The following FSTL4 variants were observed in gnomAD, a reference collection of about 807,000 sequenced individuals.
The protein encoded by FSTL4 is follistatin-related protein 4.
FSTL4 carries 28 observed loss-of-function variants against 78.2 expected under a neutral mutation model. The ratio of observed to expected loss-of-function variants is 0.36; its 90% CI spans 0.27 to 0.49. The LOEUF is 0.49. Ranked by LOEUF, FSTL4 falls within the 20% of genes least tolerant of loss-of-function variation. FSTL4 has a pLI of 0.98. For missense variants in FSTL4, 922 were observed against 1,084.9 expected, an observed-to-expected ratio of 0.85 and a Z score of 2.11; for synonymous variants, 422 against 440.5, an observed-to-expected ratio of 0.96 and a Z score of 0.53.
Position 133,552,307 on chromosome 5 carries a change from C to A in FSTL4, c.160+14879G>T, listed in dbSNP as rs559640498. ...GGGTCTTCTGGAATTTCTACTTGGTCATATTTATTCTACAGAACTGTATCT... is the reference window on the plus strand; with the variant it reads ...GGGTCTTCTGGAATTTCTACTTGGTAATATTTATTCTACAGAACTGTATCT... On this transcript the variant is annotated intron_variant, in intron 3 of 15. Coordinates refer to ENST00000265342, the MANE Select transcript of FSTL4 (RefSeq NM_015082.2). 7.9e-5 allele frequency among the ~76,000 whole-genome samples: 12 copies of A among 152,314 alleles called. No individual in the cohort carries two copies. In the East Asian group the frequency reaches 2.3e-3, roughly 29 times the overall value.
chr5:133,351,604 T>C (rs1754825712), intron 4 of FSTL4, among the ~76,000 whole-genome samples: 1 of 152,130 alleles, frequency 6.6e-6, no homozygotes. Flanking sequence ...CTAATCTATA[T>C]TTTTAATTTT....
chr5:133,803,543 C>T, the FSTL4 span, among the ~76,000 whole-genome samples: 13 of 152,182 alleles, frequency 8.5e-5, no homozygotes, highest in Non-Finnish European at 1.5e-4. Flanking sequence ...AGTCCCAGAC[C>T]GTCTCTCCTC....
intron 11 of FSTL4, among the ~76,000 whole-genome samples, chr5:133,221,902 T>TG: frequency 1.0e-5 from 1 of 99,698 alleles, no homozygotes; most frequent in South Asian, 2.9e-4. Context: ...TTTTTTTTTT[T>TG]TTTTTTTTTT....
At chr5:133,755,187 C>T in the FSTL4 span, among the ~76,000 whole-genome samples, 1 of 152,170 alleles carries the variant, frequency 6.6e-6, no homozygotes, top group Non-Finnish European at 1.5e-5. Context: ...TCTAAGTTTC[C>T]ATGACCCCTT....
At chr5:133,497,365 G>C (rs1758387568) in intron 3 of FSTL4, among the ~76,000 whole-genome samples, 1 of 152,214 alleles carries the variant, frequency 6.6e-6, no homozygotes, top group South Asian at 2.1e-4. Flanking sequence ...TCTCATAGAG[G>C]GGTTGGGGAA....
intron 3 of FSTL4, among the ~76,000 whole-genome samples, chr5:133,497,546 C>A (rs1758393469): frequency 6.6e-6 from 1 of 152,164 alleles, no homozygotes; most frequent in Non-Finnish European, 1.5e-5. Flanking sequence ...CTTATCCTCA[C>A]TCATCAGGCC....
the FSTL4 span, among the ~76,000 whole-genome samples, chr5:133,773,868 T>A: frequency 2.6e-5 from 4 of 152,190 alleles, no homozygotes; most frequent in Non-Finnish European, 5.9e-5. Flanking sequence ...CTCACCCATT[T>A]GTAGAGAGCA....
At chr5:133,785,977 T>C in the FSTL4 span, among the ~76,000 whole-genome samples, 3 of 152,176 alleles carry the variant, frequency 2.0e-5, no homozygotes, top group Non-Finnish European at 4.4e-5. Flanking sequence ...TGGGGGATTT[T>C]TGAGGACCCT....
At chr5:133,656,386 C>A in the FSTL4 span, among the ~76,000 whole-genome samples, 40 of 152,098 alleles carry the variant, frequency 2.6e-4, no homozygotes, top group Non-Finnish European at 4.7e-4. Flanking sequence ...CTGTCAAGGG[C>A]AGTAATTTTC....
intron 3 of FSTL4, among the ~76,000 whole-genome samples, chr5:133,448,563 G>A (rs186959769): frequency 3.3e-5 from 5 of 152,298 alleles, no homozygotes; most frequent in Non-Finnish European, 2.9e-5. Flanking sequence ...CAAAGTGAAC[G>A]GCAGCAGTGG....
At chr5:133,554,720 G>GCATT (rs1309597050) in intron 3 of FSTL4, among the ~76,000 whole-genome samples, 9 of 152,182 alleles carry the variant, frequency 5.9e-5, no homozygotes, top group South Asian at 2.1e-4. Flanking sequence ...AGTTTAAATA[G>GCATT]CATTCATTCA....
intron 3 of FSTL4, among the ~76,000 whole-genome samples, chr5:133,457,443 C>A (rs575455724): frequency 6.6e-6 from 1 of 152,210 alleles, no homozygotes. Flanking sequence ...CCTTTCCCCG[C>A]ACAAACAAAA....
At chr5:133,386,404 C>T (rs1266237245) in intron 4 of FSTL4, among the ~76,000 whole-genome samples, 5 of 152,296 alleles carry the variant, frequency 3.3e-5, no homozygotes, top group East Asian at 1.9e-4. Flanking sequence ...TAGACAGGCA[C>T]GCTCAACTGT....
chr5:133,688,606 G>A, the FSTL4 span, among the ~76,000 whole-genome samples: 1 of 152,214 alleles, frequency 6.6e-6, no homozygotes, highest in East Asian at 1.9e-4. Context: ...TCATTCTGAG[G>A]ACAGAACAGA....
At chr5:133,716,900 A>G in the FSTL4 span, among the ~76,000 whole-genome samples, 1 of 152,364 alleles carries the variant, frequency 6.6e-6, no homozygotes, top group South Asian at 2.1e-4. Context: ...TTGGAATAAT[A>G]GCCTCCAACC....
chr5:133,644,117 A>G, the FSTL4 span, among the ~76,000 whole-genome samples: 1 of 152,186 alleles, frequency 6.6e-6, no homozygotes, highest in African/African-American at 2.4e-5. Context: ...TCCCAGGGCC[A>G]CAGGGATGCA....
chr5:133,497,833 T>C (rs1758401735), intron 3 of FSTL4, among the ~76,000 whole-genome samples: 1 of 152,184 alleles, frequency 6.6e-6, no homozygotes, highest in Non-Finnish European at 1.5e-5. Flanking sequence ...TAGGAGATGC[T>C]CTCAAGAAAG....
rs554865045 is a variant in FSTL4 at position 133,259,047 on chromosome 5, TG to T, written c.728-9472del. ...GGACTGAGGGAGCAAGGGCTGGGGG[TG>T]GGGGGTGTCTCAGAATAGGCTGGCA... On this transcript the variant is annotated intron_variant, in intron 6 of 15. Coordinates refer to ENST00000265342, the MANE Select transcript of FSTL4 (RefSeq NM_015082.2). Among the ~76,000 whole-genome samples, 133 of 150,402 alleles carry T rather than the reference TG, an allele frequency of 8.8e-4. 1 individual carries two copies. The highest frequency in any genetic ancestry group is 3.3e-3 in the African/African-American group (133 of 40,794).
intron 7 of FSTL4, among the ~76,000 whole-genome samples, chr5:133,243,447 C>G (rs1751938254): frequency 6.6e-6 from 1 of 152,170 alleles, no homozygotes; most frequent in African/African-American, 2.4e-5. Flanking sequence ...AGGCCAGCAG[C>G]CAGTAAGAAT....
Sources: allele counts gnomAD v4.1 joint callset (sites outside exome capture counted in the v4.1 genomes callset), GRCh38; gene constraint gnomAD v4.1.1; transcripts MANE v1.5; gene names NCBI Gene and HGNC (gene_info 2026-07-23, HGNC 2026-07-21).